Variants in GLYATL1 observed in about 807,000 individuals in gnomAD.
GLYATL1 encodes the protein glycine-N-acyltransferase like 1.
A neutral mutation model predicts 20.0 loss-of-function variants in GLYATL1; 15 were observed. The observed-to-expected ratio is 0.75, with a 90% CI of 0.50 to 1.15. GLYATL1 has a LOEUF of 1.15. Ranked by LOEUF, GLYATL1 falls within the 50% of genes most tolerant of loss-of-function variation. The pLI is 0.00. For missense variants in GLYATL1, 380 were observed against 368.5 expected (o/e 1.03, Z -0.26); for synonymous variants, 151 against 131.5 (o/e 1.15, Z -1.01).
upstream of GLYATL1, among the ~76,000 whole-genome samples, chr11:58,937,655 A>C (rs976717100): frequency 2.0e-5 from 3 of 152,170 alleles, no homozygotes; most frequent in Non-Finnish European, 4.4e-5. Flanking sequence ...TAATCTTATT[A>C]ATTTTATTAT....
upstream of GLYATL1, among the ~76,000 whole-genome samples, chr11:58,938,265 G>C (rs1855925966): frequency 6.6e-6 from 1 of 152,070 alleles, no homozygotes; most frequent in African/African-American, 2.4e-5. Flanking sequence ...TCAAATTTGG[G>C]AACTTTTTTG....
intron 1 of GLYATL1, among the ~76,000 whole-genome samples, chr11:58,917,819 A>T (rs1294380007): frequency 6.6e-6 from 1 of 152,216 alleles, no homozygotes; most frequent in East Asian, 1.9e-4. Context: ...GGAATGCTGG[A>T]AGTCTCCAGA....
intron 1 of GLYATL1, among the ~76,000 whole-genome samples, chr11:58,940,910 T>A (rs141563545): frequency 2.6e-5 from 4 of 152,124 alleles, no homozygotes; most frequent in African/African-American, 9.7e-5. Context: ...AAGGCTTCAG[T>A]GAGTCTTGAT....
At chr11:58,918,334 T>G (rs1249336082) in intron 1 of GLYATL1, among the ~76,000 whole-genome samples, 1 of 152,264 alleles carries the variant, frequency 6.6e-6, no homozygotes, top group Non-Finnish European at 1.5e-5. Flanking sequence ...TGAGCTAATT[T>G]TCACATCTTG....
At position 58,956,025 on chromosome 11, in the gene GLYATL1, T is replaced by C. The variant is rs746019229; in HGVS notation, c.907T>C (p.Ter303GlnextTer14). ...CTACCCACAGAATCTAGTTCCATTT[T>C]AGACAATGAAGCTGCTTAGTAATCT... ...TCYPQNLVPF[*>Q] Residue 303 changes from the stop codon to glutamine (Q), a stop_lost, in exon 7 of 7, where the codon TAG becomes CAG. Coordinates refer to ENST00000532726, the MANE Select transcript of GLYATL1 (RefSeq NM_001389712.2). 2 of 1,608,502 alleles carry C rather than the reference T, an allele frequency of 1.2e-6. No homozygotes were observed. The highest frequency in any genetic ancestry group is 1.7e-6 in the Non-Finnish European group (2 of 1,175,578).
intron 1 of GLYATL1, chr11:58,942,447 A>T (rs1260900370): frequency 1.3e-5 from 2 of 152,260 alleles, no homozygotes; most frequent in Admixed American, 1.3e-4. Flanking sequence ...ATTTTCTCCC[A>T]GCCAGAATTA....
intron 1 of GLYATL1, among the ~76,000 whole-genome samples, chr11:58,918,204 C>T (rs953501457): frequency 6.6e-6 from 1 of 152,220 alleles, no homozygotes; most frequent in Non-Finnish European, 1.5e-5. Flanking sequence ...GAGTCTTAAG[C>T]AACCTCCTAA....
chr11:58,953,372 T>C (rs1857133827), intron 4 of GLYATL1, among the ~76,000 whole-genome samples: 1 of 150,778 alleles, frequency 6.6e-6, no homozygotes, highest in Non-Finnish European at 1.5e-5. Context: ...CTGTTTCTGT[T>C]CTCATAGCTT....
upstream of GLYATL1, among the ~76,000 whole-genome samples, chr11:58,924,229 G>A (rs546815847): frequency 6.6e-6 from 1 of 152,210 alleles, no homozygotes; most frequent in African/African-American, 2.4e-5. Context: ...GTTGATTGTA[G>A]TTCTACTAAC....
downstream of GLYATL1, among the ~76,000 whole-genome samples, chr11:58,913,025 G>A (rs562057495): frequency 6.6e-6 from 1 of 152,322 alleles, no homozygotes; most frequent in East Asian, 1.9e-4. Context: ...ACAGAATGGT[G>A]AGTACACAAG....
chr11:58,955,041 T>C, intron 5 of GLYATL1, 135 bp from the exon 6 acceptor site: 1 of 1,212,232 alleles, frequency 8.2e-7, no homozygotes, highest in Admixed American at 2.2e-5. Flanking sequence ...ATCTGTGGTG[T>C]GACAAGGACT....
At chr11:58,926,644 C>T (rs139548135), upstream of GLYATL1, among the ~76,000 whole-genome samples, 2 of 152,220 alleles carry the variant, frequency 1.3e-5, no homozygotes, top group East Asian at 1.9e-4. Flanking sequence ...GATTGCAATA[C>T]GGCTTTGAAT....
intron 3 of GLYATL1, 138 bp downstream of exon 3, chr11:58,947,303 C>A (rs1856641326): frequency 8.3e-7 from 1 of 1,202,960 alleles, no homozygotes; most frequent in Non-Finnish European, 1.1e-6. Context: ...GGGGCACAGG[C>A]TGCATATCAA....
chr11:58,953,388 CTGT>C (rs1365517777), intron 4 of GLYATL1, among the ~76,000 whole-genome samples: 15 of 90,786 alleles, frequency 1.7e-4, no homozygotes, highest in African/African-American at 5.0e-4. Context: ...AGCTTACAGT[CTGT>C]TTTTTTTTTT....
intron 1 of GLYATL1, among the ~76,000 whole-genome samples, chr11:58,914,309 T>C (rs1855117304): frequency 6.6e-6 from 1 of 152,130 alleles, no homozygotes; most frequent in African/African-American, 2.4e-5. Flanking sequence ...AAGTTTTTAG[T>C]CTCCCATGCA....
At chr11:58,920,316 A>ATGG in intron 1 of GLYATL1, among the ~76,000 whole-genome samples, 1 of 152,254 alleles carries the variant, frequency 6.6e-6, no homozygotes, top group East Asian at 1.9e-4. Flanking sequence ...TCCCATGAAC[A>ATGG]TGGAAAGTGG....
chr11:58,931,579 C>A (rs1236812989), intron 1 of GLYATL1, among the ~76,000 whole-genome samples: 1 of 152,084 alleles, frequency 6.6e-6, no homozygotes, highest in Non-Finnish European at 1.5e-5. Context: ...AAAAATTATT[C>A]CAGATTACAT....
At chr11:58,920,302 A>C (rs1855277878) in intron 1 of GLYATL1, among the ~76,000 whole-genome samples, 1 of 152,074 alleles carries the variant, frequency 6.6e-6, no homozygotes, top group Non-Finnish European at 1.5e-5. Context: ...TTCTTTGTAA[A>C]TAGTCCCATG....
chr11:58,943,471 G>A (rs1401781487), intron 1 of GLYATL1, 72 bp from the exon 2 acceptor site: 22 of 1,536,064 alleles, frequency 1.4e-5, no homozygotes, highest in South Asian at 4.9e-5. Context: ...GTAGGCTGCC[G>A]GATTCACAAA....
Sources: gnomAD v4.1 joint callset for allele counts (sites outside exome capture counted in the v4.1 genomes callset) on GRCh38, gnomAD v4.1.1 for gene constraint, MANE v1.5 for transcripts, NCBI Gene and HGNC (gene_info 2026-07-23, HGNC 2026-07-21) for gene names.